The following DPYD variants were observed in gnomAD, a reference collection of about 807,000 sequenced individuals.
DPYD encodes dihydropyrimidine dehydrogenase [NADP(+)].
In DPYD, 109 loss-of-function variants were observed where a neutral mutation model predicts 116.2. That is an observed-to-expected ratio of 0.94 (90% CI 0.80 to 1.10). DPYD has a LOEUF of 1.10. DPYD is among the 50% of genes least tolerant of loss of function. The probability of loss-of-function intolerance (pLI) is 0.00; values close to 1 mark genes in which losing one functional copy is unlikely to be tolerated. For synonymous variants in DPYD, 440 were observed against 432.0 expected (o/e 1.02, Z -0.23); for missense variants, 1,302 against 1,254.5 (o/e 1.04, Z -0.57).
At chr1:97,097,496 A>G (rs926266943) in intron 21 of DPYD, among the ~76,000 whole-genome samples, 8 of 152,178 alleles carry the variant, frequency 5.3e-5, no homozygotes, top group Admixed American at 3.3e-4. Flanking sequence ...AGAAGAATGA[A>G]TTTCAGTAAC....
At chr1:97,758,129 C>T (rs967860371) in intron 3 of DPYD, among the ~76,000 whole-genome samples, 13 of 152,252 alleles carry the variant, frequency 8.5e-5, no homozygotes, top group African/African-American at 2.9e-4. Flanking sequence ...CCATAATTGT[C>T]CCTCTGCATT....
intron 18 of DPYD, among the ~76,000 whole-genome samples, chr1:97,269,950 C>T (rs1317514684): frequency 2.0e-5 from 3 of 152,108 alleles, no homozygotes; most frequent in Non-Finnish European, 4.4e-5. Context: ...GATTTAATTG[C>T]CCAAATTCCC....
chr1:97,264,603 T>C (rs1395719309), intron 18 of DPYD, among the ~76,000 whole-genome samples: 1 of 152,200 alleles, frequency 6.6e-6, no homozygotes, highest in African/African-American at 2.4e-5. Context: ...CCCTAAATCC[T>C]ATTTTAACTT....
intron 1 of DPYD, among the ~76,000 whole-genome samples, chr1:97,897,400 T>C (rs1311707791): frequency 6.6e-6 from 1 of 151,892 alleles, no homozygotes; most frequent in East Asian, 1.9e-4. Flanking sequence ...TTCTTCTGCT[T>C]AGGTTTCACT....
intron 5 of DPYD, among the ~76,000 whole-genome samples, chr1:97,718,340 A>C (rs1181805090): frequency 6.6e-6 from 1 of 150,678 alleles, no homozygotes; most frequent in Non-Finnish European, 1.5e-5. Flanking sequence ...GATTTGTTTG[A>C]GTTTCTTGTA....
At chr1:97,276,929 C>A (rs1664970157) in intron 18 of DPYD, among the ~76,000 whole-genome samples, 1 of 152,174 alleles carries the variant, frequency 6.6e-6, no homozygotes, top group African/African-American at 2.4e-5. Flanking sequence ...CAGCACTATT[C>A]ACCATAGCAA....
At chr1:97,526,299 T>C (rs557566367) in intron 12 of DPYD, among the ~76,000 whole-genome samples, 2 of 152,318 alleles carry the variant, frequency 1.3e-5, no homozygotes, top group South Asian at 2.1e-4. Flanking sequence ...TTTCTTTCTA[T>C]GTACAGCTAC....
intron 14 of DPYD, among the ~76,000 whole-genome samples, chr1:97,404,710 A>G (rs1021282339): frequency 6.6e-6 from 1 of 152,112 alleles, no homozygotes; most frequent in South Asian, 2.1e-4. Flanking sequence ...TACGCAATAC[A>G]TAGGTGGGTT....
chr1:97,755,017 G>A (rs1278596942), intron 3 of DPYD, among the ~76,000 whole-genome samples: 1 of 152,198 alleles, frequency 6.6e-6, no homozygotes, highest in African/African-American at 2.4e-5. Flanking sequence ...AGAAGACACA[G>A]AATGTGAGGA....
chr1:97,674,356 C>T (rs1468941967), intron 8 of DPYD, among the ~76,000 whole-genome samples: 1 of 152,160 alleles, frequency 6.6e-6, no homozygotes, highest in Non-Finnish European at 1.5e-5. Context: ...TTAGCCCCTT[C>T]TTTCTCATGC....
chr1:97,592,142 A>G (rs1654561234), intron 10 of DPYD, among the ~76,000 whole-genome samples: 1 of 152,238 alleles, frequency 6.6e-6, no homozygotes, highest in African/African-American at 2.4e-5. Flanking sequence ...ACATTCAGGC[A>G]TTCCGAAGCA....
chr1:97,244,576 A>G (rs892764185), intron 18 of DPYD, among the ~76,000 whole-genome samples: 1 of 152,084 alleles, frequency 6.6e-6, no homozygotes, highest in African/African-American at 2.4e-5. Flanking sequence ...TTTCCATGGT[A>G]GATGCCGTAT....
At chr1:97,444,444 C>G (rs1054651460) in intron 14 of DPYD, among the ~76,000 whole-genome samples, 1 of 152,054 alleles carries the variant, frequency 6.6e-6, no homozygotes, top group Non-Finnish European at 1.5e-5. Context: ...AGCACAGTGC[C>G]TGAAACATAT....
chr1:97,457,738 G>A lies in DPYD; in HGVS notation c.1741-7515C>T, dbSNP rs534908667. ...AAATAAACCGGAAATGAGGATGGGAGGATTAAATAGAGTTGGGTCAGATTG... is the reference window on the plus strand; with the variant it reads ...AAATAAACCGGAAATGAGGATGGGAAGATTAAATAGAGTTGGGTCAGATTG... On this transcript the variant is annotated intron_variant, in intron 13 of 22. Coordinates refer to ENST00000370192, the MANE Select transcript of DPYD (RefSeq NM_000110.4). Among the ~76,000 whole-genome samples the A allele has an allele frequency of 2.6e-5, 4 of 152,280 alleles. No individual in the cohort carries two copies. The South Asian group carries it at 6.2e-4, about 24-fold the overall frequency.
intron 20 of DPYD, among the ~76,000 whole-genome samples, chr1:97,108,661 A>T (rs1320759619): frequency 1.3e-5 from 2 of 152,170 alleles, no homozygotes; most frequent in East Asian, 3.9e-4. Flanking sequence ...AAATCTGTAT[A>T]GAAAATTAAT....
intron 13 of DPYD, among the ~76,000 whole-genome samples, chr1:97,488,430 CA>C (rs1205011875): frequency 6.6e-6 from 1 of 152,032 alleles, no homozygotes; most frequent in Non-Finnish European, 1.5e-5. Flanking sequence ...CACACATACA[CA>C]AAGGAATAAA....
intron 4 of DPYD, among the ~76,000 whole-genome samples, chr1:97,731,986 G>A (rs539353098): frequency 2.1e-4 from 32 of 151,926 alleles, no homozygotes; most frequent in African/African-American, 5.6e-4. Flanking sequence ...GATGTTACTC[G>A]TTTCATATAA....
chr1:97,230,280 A>G (rs1479025168), intron 19 of DPYD, among the ~76,000 whole-genome samples: 1 of 152,222 alleles, frequency 6.6e-6, no homozygotes, highest in African/African-American at 2.4e-5. Flanking sequence ...TGGTACATGT[A>G]CACCATGGAA....
chr1:97,246,736 A>G (rs1255496093), intron 18 of DPYD, among the ~76,000 whole-genome samples: 1 of 152,140 alleles, frequency 6.6e-6, no homozygotes, highest in Non-Finnish European at 1.5e-5. Flanking sequence ...TCTATATGGC[A>G]TTTTACTTTT....
Sources: gnomAD v4.1 joint callset for allele counts (sites outside exome capture counted in the v4.1 genomes callset) on GRCh38, gnomAD v4.1.1 for gene constraint, MANE v1.5 for transcripts, NCBI Gene and HGNC (gene_info 2026-07-23, HGNC 2026-07-21) for gene names.